SDCBP2: variants seen among roughly 807,000 people sequenced by gnomAD.
SDCBP2 encodes syntenin-2.
Under a neutral mutation model 30.7 loss-of-function variants are expected in SDCBP2, and 28 were observed. That is an observed-to-expected ratio of 0.91 (90% confidence interval 0.68 to 1.25). The LOEUF is 1.25. Ranked by LOEUF, SDCBP2 falls within the 50% of genes most tolerant of loss-of-function variation. The pLI is 0.00. For synonymous variants in SDCBP2, 166 were observed against 157.3 expected, an observed-to-expected ratio of 1.06 and a Z score of -0.41; for missense variants, 399 against 379.0, an observed-to-expected ratio of 1.05 and a Z score of -0.44.
intron 1 of SDCBP2, among the ~76,000 whole-genome samples, chr20:1,326,820 C>T (rs1034005447): frequency 2.2e-4 from 34 of 152,270 alleles, no homozygotes; most frequent in African/African-American, 8.0e-4. Flanking sequence ...GTGCTGAGCA[C>T]AGTGCCTGGC....
chr20:1,315,508 G>A (rs1040955079), intron 4 of SDCBP2, among the ~76,000 whole-genome samples: 2 of 152,094 alleles, frequency 1.3e-5, no homozygotes, highest in Non-Finnish European at 2.9e-5. Context: ...CAGCCTGGGT[G>A]ACAGAGTGAG....
Position 1,312,989 on chromosome 20 carries a change from A to G in SDCBP2, c.385-227T>C, listed in dbSNP as rs1600276254. On this transcript the variant is annotated intron_variant, in intron 5 of 8. Coordinates refer to ENST00000360779, the MANE Select transcript of SDCBP2 (RefSeq NM_080489.5). ...GATTTCAACCCTGGCCTGGGGCTGC[A>G]CTCCGAAACACTCCACTGTACCATT... 1.2e-5 allele frequency: 7 copies of G among 596,654 alleles called. No homozygotes were observed. The East Asian group carries it at 1.4e-4, about 12-fold the overall frequency. The allele number at this position is 596,654 out of a possible 1,614,324, so 37.0% of individuals were successfully genotyped here. A position where few individuals can be genotyped will look rare whatever the true frequency, so the allele number is the denominator to read the frequency against.
chr20:1,326,901 A>G (rs775102325), intron 1 of SDCBP2, among the ~76,000 whole-genome samples: 1 of 152,246 alleles, frequency 6.6e-6, no homozygotes, highest in Non-Finnish European at 1.5e-5. Flanking sequence ...AGAAAGCCTG[A>G]TATCCTAAAT....
intron 4 of SDCBP2, among the ~76,000 whole-genome samples, chr20:1,316,314 G>A (rs960529044): frequency 2.0e-5 from 3 of 152,148 alleles, no homozygotes; most frequent in African/African-American, 7.2e-5. Flanking sequence ...CCAAATTCTG[G>A]TGAAGACATG....
chr20:1,313,157 C>T lies in SDCBP2; in HGVS notation c.384+183G>A. The stretch of plus-strand genomic sequence containing the variant: ...GGAGAGGCCAGTGGAGGGCCCTGCG[C>T]AACCCAGCACCAGCCCCGCCCGGGT... On this transcript the variant is annotated intron_variant, in intron 5 of 8. Transcript: ENST00000360779. This position sits in a 1 kb window ranked among gnomAD's most constrained non-coding sequence, Gnocchi z 5.2. 1.5e-6 allele frequency: 1 copy of T among 679,036 alleles called. No individual in the cohort carries two copies. The highest frequency in any genetic ancestry group is 2.5e-6 in the Non-Finnish European group (1 of 403,942). 42.1% of individuals were successfully genotyped at this position (679,036 alleles called of 1,614,324 possible). A position where few individuals can be genotyped will look rare whatever the true frequency, so the allele number is the denominator to read the frequency against.
intron 3 of SDCBP2, among the ~76,000 whole-genome samples, chr20:1,318,736 T>C (rs572482038): frequency 3.5e-4 from 54 of 152,316 alleles, no homozygotes; most frequent in African/African-American, 1.3e-3. Flanking sequence ...TCCCTTCTTA[T>C]AAGGATTTGT....
intron 4 of SDCBP2, among the ~76,000 whole-genome samples, chr20:1,315,775 G>C (rs2088767997): frequency 6.6e-6 from 1 of 152,036 alleles, no homozygotes; most frequent in Non-Finnish European, 1.5e-5. Flanking sequence ...CAATAAACTG[G>C]ACCTCATCAA....
chr20:1,312,790 T>C (rs1407121442), intron 5 of SDCBP2, 28 bp from the exon 6 acceptor site: 1 of 1,591,430 alleles, frequency 6.3e-7, no homozygotes, highest in African/African-American at 1.3e-5. Flanking sequence ...CCAGAGTCAG[T>C]GTCCCTGGCC....
In SDCBP2 at chr20:1,312,434, A is replaced by G. The variant is rs775259934; in HGVS notation, c.635T>C (p.Ile212Thr). ...HVGFVIKKGK[I>T]VSLVKGSSAA... ...AGAACTCCCTTTGACCAGAGAGACA[A>G]TCTTCCCCTTCTTGATCACGAAGCC... is the stretch of plus-strand genomic sequence containing the variant. Residue 212 changes from isoleucine (I) to threonine (T), a missense_variant, in exon 7 of 9, where the codon ATT becomes ACT. Transcript: ENST00000360779. The G allele has an allele frequency of 3.1e-6, 5 of 1,613,906 alleles. No individual in the cohort carries two copies. The highest frequency in any genetic ancestry group is 1.7e-5 in the Admixed American group (1 of 59,988).
At chr20:1,318,733 TTATA>T (rs2088814183) in intron 3 of SDCBP2, among the ~76,000 whole-genome samples, 1 of 152,252 alleles carries the variant, frequency 6.6e-6, no homozygotes, top group African/African-American at 2.4e-5. Context: ...TAATCCCTTC[TTATA>T]AGGATTTGTG....
Position 1,313,128 on chromosome 20 carries a change from C to T in SDCBP2, c.384+212G>A. On this transcript the variant is annotated intron_variant, in intron 5 of 8. Coordinates refer to ENST00000360779, the MANE Select transcript of SDCBP2 (RefSeq NM_080489.5). The surrounding 1 kb of genome is among the most constrained non-coding windows in gnomAD (Gnocchi z 5.2). Reference sequence around the variant, plus strand: ...GGAGGCTCCTCCGAGCGACGGAAGCCCACGGAGAGGCCAGTGGAGGGCCCT... The same window carrying T: ...GGAGGCTCCTCCGAGCGACGGAAGCTCACGGAGAGGCCAGTGGAGGGCCCT... The T allele has an allele frequency of 1.6e-6, 1 of 613,098 alleles. No individual in the cohort carries two copies. 38.0% of individuals were successfully genotyped at this position (613,098 alleles called of 1,614,324 possible).
chr20:1,323,232 G>C (rs988990663), intron 1 of SDCBP2: 3 of 152,100 alleles, frequency 2.0e-5, no homozygotes, highest in Admixed American at 6.6e-5. Context: ...AGACCACCTG[G>C]GGGAAGAGAC....
intron 7 of SDCBP2, among the ~76,000 whole-genome samples, chr20:1,311,782 C>T (rs1355715076): frequency 1.3e-5 from 2 of 152,114 alleles, no homozygotes; most frequent in Non-Finnish European, 2.9e-5. Flanking sequence ...ACATGATCCA[C>T]TATACCAAAA....
chr20:1,318,347 T>C lies in SDCBP2; in HGVS notation c.196A>G (p.Ser66Gly). 6.2e-7 allele frequency: 1 copy of C among 1,613,710 alleles called. No individual in the cohort carries two copies. The highest frequency in any genetic ancestry group is 8.5e-7 in the Non-Finnish European group (1 of 1,179,816). ...LSLSSQEVQE[S>G]LLQIPEGDST... ...TCACCCTCTGGAATCTGAAGCAGGC[T>C]CTCCTGGACTTCTTGGCTGGAGAGG... The change falls in exon 4 of 9, where the codon AGC (serine) becomes GGC (glycine). Residue 66 changes from serine (S) to glycine (G), a missense_variant. Coordinates refer to ENST00000360779, the MANE Select transcript of SDCBP2 (RefSeq NM_080489.5).
At chr20:1,310,567 C>A in intron 8 of SDCBP2, 72 bp from the exon 9 acceptor site, 1 of 1,440,258 alleles carries the variant, frequency 6.9e-7, no homozygotes, top group Non-Finnish European at 9.6e-7. Context: ...CCACCCCCTT[C>A]CGAGCCAGTG....
intron 1 of SDCBP2, chr20:1,325,813 CCTCCCCCGTTT>C (rs2088916723): frequency 6.6e-6 from 1 of 152,170 alleles, no homozygotes; most frequent in Non-Finnish European, 1.5e-5. Flanking sequence ...CGTCACCCTT[CCTCCCCCGTTT>C]CTCACCCGTT....
chr20:1,323,243 C>T (rs2088871853), intron 1 of SDCBP2: 1 of 152,072 alleles, frequency 6.6e-6, no homozygotes, highest in African/African-American at 2.4e-5. Context: ...GGGAAGAGAC[C>T]CCTTTGCTTA....
In SDCBP2 at chr20:1,313,374, C is replaced by T. The variant is rs1171651593; in HGVS notation, c.350G>A (p.Gly117Asp). 6.2e-7 allele frequency: 1 copy of T among 1,611,314 alleles called. No homozygotes were observed. The change falls in exon 5 of 9, where the codon GGC (glycine) becomes GAC (aspartate). Residue 117 changes from glycine to aspartate, a missense_variant. Gly to Asp is a moderately conservative substitution (Grantham distance 94, BLOSUM62 -1). Coordinates refer to ENST00000360779, the MANE Select transcript of SDCBP2 (RefSeq NM_080489.5). The surrounding 1 kb of genome is among the most constrained non-coding windows in gnomAD (Gnocchi z 5.2). ...REIHLCKDER[G>D]KTGLRLRKVD... Reference sequence around the variant, plus strand: ...CTTCCGCAGCCTCAGCCCGGTCTTGCCGCGCTCGTCCTTGCACAGGTGGAT... The same window carrying T: ...CTTCCGCAGCCTCAGCCCGGTCTTGTCGCGCTCGTCCTTGCACAGGTGGAT...
intron 1 of SDCBP2, among the ~76,000 whole-genome samples, chr20:1,326,742 C>T (rs1456939882): frequency 6.6e-6 from 1 of 152,244 alleles, no homozygotes; most frequent in Non-Finnish European, 1.5e-5. Context: ...GTTGGATTTC[C>T]ACTGTGCTGT....
Sources: allele counts gnomAD v4.1 joint callset (sites outside exome capture counted in the v4.1 genomes callset), GRCh38; gene constraint gnomAD v4.1.1; non-coding constraint Gnocchi (gnomAD v3.1); transcripts MANE v1.5; gene names NCBI Gene and HGNC (gene_info 2026-07-23, HGNC 2026-07-21).